AASDH: variants seen among roughly 807,000 people sequenced by gnomAD.
AASDH encodes the protein aminoadipate-semialdehyde dehydrogenase.
A neutral mutation model predicts 102.3 loss-of-function variants in AASDH; 81 were observed. That is an observed-to-expected ratio of 0.79 (90% CI 0.66 to 0.95). The LOEUF is 0.95. AASDH is among the 40% of genes least tolerant of loss of function. AASDH has a pLI of 0.00. For missense variants in AASDH, 1,203 were observed against 1,266.2 expected (o/e 0.95, Z 0.76); for synonymous variants, 398 against 454.0 (o/e 0.88, Z 1.57).
At chr4:56,374,446 T>C (rs965120222) in intron 4 of AASDH, among the ~76,000 whole-genome samples, 2 of 151,502 alleles carry the variant, frequency 1.3e-5, no homozygotes, top group Admixed American at 1.3e-4. Context: ...CTTATCTGAC[T>C]GAAAGCAGAA....
intron 4 of AASDH, among the ~76,000 whole-genome samples, chr4:56,376,844 G>C (rs1752390996): frequency 6.6e-6 from 1 of 151,898 alleles, no homozygotes; most frequent in South Asian, 2.1e-4. Context: ...GAGGCGGGCG[G>C]ATCACGAGGT....
intron 5 of AASDH, among the ~76,000 whole-genome samples, chr4:56,363,769 G>GA (rs1462575520): frequency 1.3e-5 from 2 of 152,028 alleles, no homozygotes; most frequent in East Asian, 1.9e-4. Flanking sequence ...ACAAAGATGG[G>GA]AAAAAAACAG....
chr4:56,347,390 G>A (rs1341137350), intron 11 of AASDH, among the ~76,000 whole-genome samples: 2 of 152,182 alleles, frequency 1.3e-5, no homozygotes, highest in African/African-American at 4.8e-5. Flanking sequence ...CACAAGTAGG[G>A]AAAGCTATTC....
In AASDH at chr4:56,372,019, C is replaced by G. The variant is rs75394834; in HGVS notation, c.669-376G>C. Among the ~76,000 whole-genome samples, 26 of 152,306 alleles carry G rather than the reference C, an allele frequency of 1.7e-4. No individual in the cohort carries two copies. In the East Asian group the frequency reaches 5.0e-3, roughly 29 times the overall value. On this transcript the variant is annotated intron_variant, in intron 4 of 14. Transcript: ENST00000205214. ...CAGAAGGGAGGCTGCTGCTTAGCAGCACACACGCCTTCTTCAAGCAGTTAT... is the reference window on the plus strand; with the variant it reads ...CAGAAGGGAGGCTGCTGCTTAGCAGGACACACGCCTTCTTCAAGCAGTTAT...
chr4:56,354,633 A>G, intron 7 of AASDH, 72 bp downstream of exon 7: 1 of 1,135,124 alleles, frequency 8.8e-7, no homozygotes, highest in Non-Finnish European at 1.3e-6. Flanking sequence ...GAAAAAGACG[A>G]AAGGAATAAA....
chr4:56,386,696 G>C (rs918973154), intron 1 of AASDH, among the ~76,000 whole-genome samples: 3 of 148,842 alleles, frequency 2.0e-5, no homozygotes, highest in African/African-American at 7.4e-5. Flanking sequence ...GGGAGGCTGA[G>C]GCAGGAGAAT....
chr4:56,345,027 C>T, intron 12 of AASDH, 100 bp downstream of exon 12: 1 of 1,318,382 alleles, frequency 7.6e-7, no homozygotes, highest in Non-Finnish European at 1.0e-6. Context: ...CTGCAACCTC[C>T]ACCTCCCAGG....
intron 10 of AASDH, among the ~76,000 whole-genome samples, chr4:56,350,743 T>C (rs1748900919): frequency 6.6e-6 from 1 of 152,060 alleles, no homozygotes; most frequent in Non-Finnish European, 1.5e-5. Flanking sequence ...TAAAGCAAAA[T>C]TACTTTCCAA....
rs1486347083 is a variant in AASDH, at chr4:56,345,124, T to TA, written c.2652+2dup. The stretch of plus-strand genomic sequence containing the variant: ...GCCCAGCTAATTTGAGGTCAATCCT[T>TA]ACATAAATATCTAAAGCATATGCGT... On this transcript the variant is annotated splice_region_variant and intron_variant, in intron 12 of 14. Transcript: ENST00000205214. The TA allele has an allele frequency of 6.2e-7, 1 of 1,613,646 alleles. No individual in the cohort carries two copies. The highest frequency in any genetic ancestry group is 8.5e-7 in the Non-Finnish European group (1 of 1,179,784).
intron 14 of AASDH, among the ~76,000 whole-genome samples, chr4:56,341,880 G>A (rs1747732304): frequency 1.3e-5 from 2 of 151,808 alleles, no homozygotes; most frequent in South Asian, 4.2e-4. Flanking sequence ...GGGAGGCTGA[G>A]GCAGGTGGAT....
chr4:56,365,041 A>G (rs1413020020), intron 5 of AASDH, among the ~76,000 whole-genome samples: 7 of 152,292 alleles, frequency 4.6e-5, no homozygotes, highest in Non-Finnish European at 8.8e-5. Context: ...AAGCAAATGG[A>G]AAACAAAAAA....
intron 5 of AASDH, among the ~76,000 whole-genome samples, chr4:56,364,103 G>C (rs1380302204): frequency 2.0e-5 from 3 of 152,190 alleles, no homozygotes; most frequent in Non-Finnish European, 4.4e-5. Flanking sequence ...GGATCAACTG[G>C]AAGAAAGGGT....
chr4:56,368,825 T>G (rs561810631), intron 5 of AASDH, among the ~76,000 whole-genome samples: 2 of 150,862 alleles, frequency 1.3e-5, no homozygotes, highest in African/African-American at 4.9e-5. Context: ...TATACATATG[T>G]AACAAACCTG....
At chr4:56,372,797 T>C (rs1390620323) in intron 4 of AASDH, among the ~76,000 whole-genome samples, 2 of 152,218 alleles carry the variant, frequency 1.3e-5, no homozygotes, top group East Asian at 3.8e-4. Context: ...GACAAATTTA[T>C]TTAATCAAAG....
intron 4 of AASDH, among the ~76,000 whole-genome samples, chr4:56,373,984 C>G (rs1164074202): frequency 6.6e-6 from 1 of 152,150 alleles, no homozygotes; most frequent in Non-Finnish European, 1.5e-5. Context: ...GGCTGGGTAT[C>G]TAATATACTG....
At chr4:56,355,593 G>GTTTTTTTTTTTTTTT (rs149149581) in intron 5 of AASDH, among the ~76,000 whole-genome samples, 170 bp from the exon 6 acceptor site, 3 of 91,912 alleles carry the variant, frequency 3.3e-5, no homozygotes, top group South Asian at 4.5e-4. Flanking sequence ...TTATCTTCTT[G>GTTTTTTTTTTTTTTT]TTTTTTTTTT....
chr4:56,376,947 G>C (rs1752411965), intron 4 of AASDH, among the ~76,000 whole-genome samples: 1 of 148,870 alleles, frequency 6.7e-6, no homozygotes, highest in Admixed American at 6.7e-5. Flanking sequence ...GGCGCCTGTA[G>C]TCCCAGCTAC....
intron 5 of AASDH, among the ~76,000 whole-genome samples, chr4:56,364,277 A>C (rs1750704604): frequency 6.6e-6 from 1 of 152,214 alleles, no homozygotes; most frequent in African/African-American, 2.4e-5. Context: ...GAATGGAACC[A>C]AGTTGGAAAA....
intron 5 of AASDH, among the ~76,000 whole-genome samples, chr4:56,360,764 CA>C (rs547926574): frequency 5.0e-4 from 76 of 152,254 alleles, no homozygotes; most frequent in African/African-American, 1.8e-3. Flanking sequence ...GGAGTTGTAA[CA>C]GACAACCTGA....
Sources: gnomAD v4.1 joint callset for allele counts (sites outside exome capture counted in the v4.1 genomes callset) on GRCh38, gnomAD v4.1.1 for gene constraint, MANE v1.5 for transcripts, NCBI Gene and HGNC (gene_info 2026-07-23, HGNC 2026-07-21) for gene names.